RIMBP2: variants seen among roughly 807,000 people sequenced by gnomAD.
RIMBP2 encodes the protein RIMS-binding protein 2.
In RIMBP2, 48 loss-of-function variants were observed where a neutral mutation model predicts 118.6. That is an observed-to-expected ratio of 0.40 (90% CI 0.32 to 0.51). RIMBP2 has a LOEUF of 0.51. RIMBP2 is among the 20% of genes least tolerant of loss of function. The pLI, the probability that RIMBP2 is intolerant of heterozygous loss-of-function variation, is 0.41. For synonymous variants in RIMBP2, 762 were observed against 742.9 expected, an observed-to-expected ratio of 1.03 and a Z score of -0.42; for missense variants, 1,551 against 1,768.3, an observed-to-expected ratio of 0.88 and a Z score of 2.20.
At chr12:130,512,329 C>CT (rs35731830) in intron 3 of RIMBP2, among the ~76,000 whole-genome samples, 25,875 of 149,850 alleles carry the variant, frequency 0.17, 2,563 homozygotes, top group South Asian at 0.31. Context: ...CCATTGCTTT[C>CT]TTTTTTTTTT....
At chr12:130,506,195 T>A (rs1227318604) in intron 4 of RIMBP2, among the ~76,000 whole-genome samples, 1 of 152,128 alleles carries the variant, frequency 6.6e-6, no homozygotes, top group Non-Finnish European at 1.5e-5. Context: ...CAGGAATGCA[T>A]GAGGAACATC....
intron 2 of RIMBP2, among the ~76,000 whole-genome samples, chr12:130,531,593 G>A (rs981803710): frequency 6.6e-6 from 1 of 152,194 alleles, no homozygotes; most frequent in African/African-American, 2.4e-5. Flanking sequence ...GATGATTCCA[G>A]TTTGAGACCA....
At chr12:130,480,281 T>C (rs892536074) in intron 4 of RIMBP2, among the ~76,000 whole-genome samples, 1 of 152,050 alleles carries the variant, frequency 6.6e-6, no homozygotes, top group Admixed American at 6.5e-5. Context: ...GGGTCTTTTA[T>C]ATAAAAGACC....
chr12:130,456,360 C>A (rs2079433683), intron 7 of RIMBP2, 136 bp downstream of exon 7: 3 of 705,322 alleles, frequency 4.3e-6, no homozygotes, highest in Non-Finnish European at 7.0e-6. Flanking sequence ...CTGTTCTCAT[C>A]CTTCCCATTG....
intron 2 of RIMBP2, among the ~76,000 whole-genome samples, chr12:130,593,513 A>G (rs2059396315): frequency 6.6e-6 from 1 of 152,260 alleles, no homozygotes; most frequent in African/African-American, 2.4e-5. Flanking sequence ...AGCGAAGTTC[A>G]GCACTGAAGA....
chr12:130,505,217 C>A (rs1178006555), intron 4 of RIMBP2, among the ~76,000 whole-genome samples: 2 of 152,132 alleles, frequency 1.3e-5, no homozygotes, highest in African/African-American at 4.8e-5. Context: ...AACCGCAGGA[C>A]CAGCTTGGTT....
At chr12:130,407,191 G>T (rs577582439) in intron 20 of RIMBP2, among the ~76,000 whole-genome samples, 5 of 152,270 alleles carry the variant, frequency 3.3e-5, no homozygotes, top group South Asian at 4.1e-4. Context: ...GTGTAACATG[G>T]GTTCACATAC....
chr12:130,415,948 A>G (rs894390703), intron 17 of RIMBP2, among the ~76,000 whole-genome samples: 1 of 142,592 alleles, frequency 7.0e-6, no homozygotes, highest in South Asian at 2.4e-4. Flanking sequence ...ATGCAATCCC[A>G]TTGACAATAG....
intron 1 of RIMBP2, among the ~76,000 whole-genome samples, chr12:130,702,121 A>T (rs1468681764): frequency 2.6e-5 from 4 of 152,152 alleles, no homozygotes; most frequent in Non-Finnish European, 5.9e-5. Flanking sequence ...AGCTGTTTGC[A>T]TTACAGTGGG....
chr12:130,425,010 G>T, intron 15 of RIMBP2, 152 bp from the exon 16 acceptor site: 2 of 426,012 alleles, frequency 4.7e-6, no homozygotes, highest in Admixed American at 4.4e-5. Context: ...GGGGCATGCC[G>T]TGGAGGGCTC....
intron 4 of RIMBP2, among the ~76,000 whole-genome samples, chr12:130,495,720 G>T (rs1315143835): frequency 6.6e-6 from 1 of 152,146 alleles, no homozygotes; most frequent in Non-Finnish European, 1.5e-5. Context: ...ATTGCTCACG[G>T]TATTAGCAAT....
chr12:130,647,475 CTG>C (rs201611091), intron 1 of RIMBP2, among the ~76,000 whole-genome samples: 19,712 of 113,926 alleles, frequency 0.17, 3,749 homozygotes, highest in African/African-American at 0.35. Flanking sequence ...ACATCTGTCT[CTG>C]GGTTGTTTTT....
rs370456759 is a variant in RIMBP2 at position 130,659,690 on chromosome 12, C to T, written c.-351-31234G>A. Among the ~76,000 whole-genome samples, 50 of 152,096 alleles carry T rather than the reference C, an allele frequency of 3.3e-4. No individual in the cohort carries two copies. In the East Asian group the frequency reaches 5.4e-3, roughly 16 times the overall value. On this transcript the variant is annotated intron_variant, in intron 1 of 22. Coordinates refer to ENST00000690449, the MANE Select transcript of RIMBP2 (RefSeq NM_001393629.1). The stretch of plus-strand genomic sequence containing the variant: ...AATTAATAATTAAAATTATTAATGC[C>T]GGCCGGGCACGGTGGCTCATGCCCG...
In RIMBP2 at chr12:130,662,026, G is replaced by A. The variant is rs116023612; in HGVS notation, c.-351-33570C>T. On this transcript the variant is annotated intron_variant, in intron 1 of 22. Transcript: ENST00000690449. The stretch of plus-strand genomic sequence containing the variant: ...TGGGCTTACCTACTTGGAGGGAATG[G>A]GGCTGCACTAGGTGCTTCTGCAGGC... Among the ~76,000 whole-genome samples, 1,037 of 152,296 alleles carry A rather than the reference G, an allele frequency of 6.8e-3. 13 individuals are homozygous for A. Among genetic ancestry groups the A allele is most frequent in the African/African-American group, 0.023 (970 of 41,558 alleles).
intron 2 of RIMBP2, among the ~76,000 whole-genome samples, chr12:130,609,245 C>G (rs940054231): frequency 1.3e-5 from 2 of 152,112 alleles, no homozygotes; most frequent in African/African-American, 4.8e-5. Flanking sequence ...TGTCTGCCCC[C>G]CCACGTTTAT....
At chr12:130,438,336 C>CCCAA in intron 12 of RIMBP2, 29 bp downstream of exon 12, 13 of 844,126 alleles carry the variant, frequency 1.5e-5, no homozygotes, top group Non-Finnish European at 2.6e-5. Context: ...GCCTAACAAA[C>CCCAA]CCTCCCCACC....
At chr12:130,563,207 C>T (rs79846721) in intron 2 of RIMBP2, among the ~76,000 whole-genome samples, 7,752 of 152,294 alleles carry the variant, frequency 0.051, 300 homozygotes, top group Middle Eastern at 0.12. Context: ...ATATTCCCAT[C>T]GCCCCTTAGA....
intron 21 of RIMBP2, among the ~76,000 whole-genome samples, chr12:130,400,419 C>T (rs1320697090): frequency 2.6e-5 from 4 of 152,184 alleles, no homozygotes; most frequent in Non-Finnish European, 5.9e-5. Context: ...CCTTCCAGAT[C>T]TTTCTACTCA....
Position 130,437,125 on chromosome 12 carries a change from G to T in RIMBP2, c.1823C>A (p.Pro608His), listed in dbSNP as rs762629303. The change falls in exon 13 of 23, where the codon CCC becomes CAC. Residue 608 changes from proline to histidine, a missense_variant. Transcript: ENST00000690449. The part of the protein sequence containing the change: ...VPPELLVPPT[P>H]HPRPAPQSKP... ...TGATTGGGGTGCAGGTCTCGGGTGGGGGGTAGGAGGCACCAGGAGCTCGGG... is the reference window on the plus strand; with the variant it reads ...TGATTGGGGTGCAGGTCTCGGGTGGTGGGTAGGAGGCACCAGGAGCTCGGG... 2.2e-5 allele frequency: 35 copies of T among 1,582,460 alleles called. No individual in the cohort carries two copies. The highest frequency in any genetic ancestry group is 2.8e-5 in the Non-Finnish European group (33 of 1,163,086).
Sources: gnomAD v4.1 joint callset for allele counts (sites outside exome capture counted in the v4.1 genomes callset) on GRCh38, gnomAD v4.1.1 for gene constraint, MANE v1.5 for transcripts, NCBI Gene and HGNC (gene_info 2026-07-23, HGNC 2026-07-21) for gene names.